The following VPS26C variants were observed in gnomAD, a reference collection of about 807,000 sequenced individuals.
VPS26C encodes vacuolar protein sorting-associated protein 26C.
Under a neutral mutation model 30.6 loss-of-function variants are expected in VPS26C, and 19 were observed. The observed-to-expected ratio is 0.62, with a 90% CI of 0.43 to 0.91. The LOEUF (loss-of-function observed/expected upper bound fraction) is 0.91, where lower values mean the gene tolerates loss of function less well. VPS26C is among the 40% of genes least tolerant of loss of function. The pLI is 0.00. For missense variants in VPS26C, 318 were observed against 385.1 expected, an observed-to-expected ratio of 0.83 and a Z score of 1.46; for synonymous variants, 132 against 151.5, an observed-to-expected ratio of 0.87 and a Z score of 0.95.
chr21:37,240,380 C>G, intron 2 of VPS26C, 116 bp downstream of exon 2: 1 of 1,210,394 alleles, frequency 8.3e-7, no homozygotes, highest in Non-Finnish European at 1.2e-6. Context: ...CCGCCTTGGC[C>G]TCCCAAATTA....
intron 1 of VPS26C, among the ~76,000 whole-genome samples, chr21:37,247,377 T>G (rs1323154362): frequency 6.6e-6 from 1 of 152,356 alleles, no homozygotes; most frequent in East Asian, 1.9e-4. Flanking sequence ...TATGCTAATT[T>G]ACCATTGTTC....
At chr21:37,229,925 G>A (rs904654011) in intron 5 of VPS26C, among the ~76,000 whole-genome samples, 6 of 152,158 alleles carry the variant, frequency 3.9e-5, no homozygotes, top group African/African-American at 1.4e-4. Context: ...TGTTGCCCAG[G>A]CTGGAGTACA....
chr21:37,262,971 G>A (rs577733195), intron 1 of VPS26C, among the ~76,000 whole-genome samples: 2 of 152,000 alleles, frequency 1.3e-5, no homozygotes, highest in South Asian at 4.2e-4. Flanking sequence ...CGCCACGTTG[G>A]CCAGGCTGGT....
intron 2 of VPS26C, among the ~76,000 whole-genome samples, chr21:37,240,243 C>A (rs2086071111): frequency 6.6e-6 from 1 of 152,126 alleles, no homozygotes; most frequent in Non-Finnish European, 1.5e-5. Flanking sequence ...CTGCCTCAGC[C>A]TCCTGAGTAG....
rs2085886363 is a variant in VPS26C, at chr21:37,225,221, T to C, written c.*323A>G. On this transcript the variant is annotated 3_prime_UTR_variant, in exon 8 of 8. Coordinates refer to ENST00000309117, the MANE Select transcript of VPS26C (RefSeq NM_006052.2). Reference sequence around the variant, plus strand: ...ATGCCACTCTCCAGCAAGCTCAAACTGCTGTCACAATTGTTTTACTGTACC... The same window carrying C: ...ATGCCACTCTCCAGCAAGCTCAAACCGCTGTCACAATTGTTTTACTGTACC... 3 of 327,310 alleles carry C rather than the reference T, an allele frequency of 9.2e-6. No individual in the cohort carries two copies. Among genetic ancestry groups the C allele is most frequent in the African/African-American group, 2.1e-5 (1 of 48,512 alleles). The allele number at this position is 327,310 out of a possible 1,614,324, so 20.3% of individuals were successfully genotyped here.
intron 1 of VPS26C, among the ~76,000 whole-genome samples, chr21:37,262,619 C>T (rs2086316416): frequency 6.6e-6 from 1 of 152,144 alleles, no homozygotes; most frequent in Non-Finnish European, 1.5e-5. Flanking sequence ...GATAAAGGTA[C>T]ATTATTAAGA....
chr21:37,259,210 A>G (rs1252172165), intron 1 of VPS26C, among the ~76,000 whole-genome samples: 1 of 152,114 alleles, frequency 6.6e-6, no homozygotes, highest in Non-Finnish European at 1.5e-5. Context: ...TTAAGCTTAA[A>G]AAAAAAAACA....
In VPS26C at chr21:37,267,300, A is replaced by G. The variant is rs1470949241; in HGVS notation, c.-6T>C. 1.2e-6 allele frequency: 2 copies of G among 1,609,252 alleles called. No homozygotes were observed. The highest frequency in any genetic ancestry group is 4.5e-5 in the East Asian group (2 of 44,450). Reference sequence around the variant, plus strand: ...ATGTCCAGGGCGGTCCCCATCTCCAATTCTCCGCAGCAGCCGCCACTTCCG... The same window carrying G: ...ATGTCCAGGGCGGTCCCCATCTCCAGTTCTCCGCAGCAGCCGCCACTTCCG... On this transcript the variant is annotated 5_prime_UTR_variant, in exon 1 of 8. Coordinates refer to ENST00000309117, the MANE Select transcript of VPS26C (RefSeq NM_006052.2).
intron 3 of VPS26C, 75 bp downstream of exon 3, chr21:37,238,385 C>T (rs960188014): frequency 1.7e-5 from 26 of 1,536,284 alleles, no homozygotes; most frequent in Non-Finnish European, 2.1e-5. Flanking sequence ...CGTCTACTAA[C>T]GTTGAGAGAA....
intron 1 of VPS26C, among the ~76,000 whole-genome samples, chr21:37,259,740 G>C (rs1269431379): frequency 6.6e-6 from 1 of 152,070 alleles, no homozygotes; most frequent in Non-Finnish European, 1.5e-5. Context: ...GTTCTCCTTG[G>C]TCACTGACTC....
Position 37,225,441 on chromosome 21 carries a change from C to T in VPS26C, c.*103G>A. 1 of 985,716 alleles carries T rather than the reference C, an allele frequency of 1.0e-6. No individual in the cohort carries two copies. The highest frequency in any genetic ancestry group is 1.4e-5 in the South Asian group (1 of 73,812). The allele number at this position is 985,716 out of a possible 1,614,324, so 61.1% of individuals were successfully genotyped here. A position where few individuals can be genotyped will look rare whatever the true frequency, so the allele number is the denominator to read the frequency against. ...TTTCATTTCTGATACAGAATAATCA[C>T]AAAAACAAGTATATGCCGCTGGCTG... On this transcript the variant is annotated 3_prime_UTR_variant, in exon 8 of 8. Coordinates refer to ENST00000309117, the MANE Select transcript of VPS26C (RefSeq NM_006052.2).
At chr21:37,258,961 G>A (rs2086276149) in intron 1 of VPS26C, among the ~76,000 whole-genome samples, 1 of 152,178 alleles carries the variant, frequency 6.6e-6, no homozygotes, top group East Asian at 1.9e-4. Context: ...TTATATAAGA[G>A]TTTAGGTTAT....
chr21:37,267,946 G>T (rs962033332), upstream of VPS26C: 3 of 152,754 alleles, frequency 2.0e-5, no homozygotes, highest in African/African-American at 4.8e-5. Flanking sequence ...ACCCTCAGGG[G>T]TGCGGCCCCT....
In VPS26C at chr21:37,240,550, G is replaced by T; in HGVS notation, c.147C>A (p.Leu49=). Residue 49 remains leucine (L), a synonymous_variant, in exon 2 of 8, where the codon CTC becomes CTA. Transcript: ENST00000309117. ...VSLTMEGTVN[L]QLSAKSVGVF... ...CACCCACACTTTTGGCACTGAGCTG[G>T]AGGTTTACAGTTCCTTCCATGGTCA... The T allele has an allele frequency of 1.9e-6, 3 of 1,614,196 alleles. No individual in the cohort carries two copies. The highest frequency in any genetic ancestry group is 2.5e-6 in the Non-Finnish European group (3 of 1,180,054).
chr21:37,237,706 T>TG (rs1032552049), intron 3 of VPS26C: 3 of 152,286 alleles, frequency 2.0e-5, no homozygotes, highest in Admixed American at 6.5e-5. Flanking sequence ...CACAGGGGTT[T>TG]GGGGGGCTTT....
chr21:37,240,272 A>G (rs1437167401), intron 2 of VPS26C, among the ~76,000 whole-genome samples: 2 of 151,858 alleles, frequency 1.3e-5, no homozygotes, highest in African/African-American at 2.4e-5. Context: ...ACAGGCACGC[A>G]CCACCACACC....
chr21:37,232,320 G>A (rs935604290), intron 5 of VPS26C, 57 bp downstream of exon 5: 34 of 1,478,190 alleles, frequency 2.3e-5, no homozygotes, highest in South Asian at 2.3e-5. Flanking sequence ...TAGCTAGTCC[G>A]TGGGGTCTGG....
intron 1 of VPS26C, among the ~76,000 whole-genome samples, chr21:37,253,039 A>C (rs1389130784): frequency 6.6e-6 from 1 of 152,328 alleles, no homozygotes; most frequent in East Asian, 1.9e-4. Flanking sequence ...TTTTTAAAAA[A>C]CACAGAAATT....
chr21:37,241,937 T>G (rs1254828779), intron 1 of VPS26C, among the ~76,000 whole-genome samples: 1 of 152,184 alleles, frequency 6.6e-6, no homozygotes, highest in African/African-American at 2.4e-5. Context: ...CAGTGAAAAA[T>G]TTTTACCAAG....
Sources: gnomAD v4.1 joint callset for allele counts (sites outside exome capture counted in the v4.1 genomes callset) on GRCh38, gnomAD v4.1.1 for gene constraint, MANE v1.5 for transcripts, NCBI Gene and HGNC (gene_info 2026-07-23, HGNC 2026-07-21) for gene names.